Variants in ELMO1 observed in about 807,000 individuals in gnomAD.
The protein encoded by ELMO1 is engulfment and cell motility protein 1.
A neutral mutation model predicts 98.9 loss-of-function variants in ELMO1; 26 were observed. The observed-to-expected ratio is 0.26, with a 90% CI of 0.19 to 0.36. The LOEUF (loss-of-function observed/expected upper bound fraction) is 0.36, where lower values mean the gene tolerates loss of function less well. Ranked by LOEUF, ELMO1 falls within the 10% of genes least tolerant of loss-of-function variation. The pLI, the probability that ELMO1 is intolerant of heterozygous loss-of-function variation, is 1.00. For missense variants in ELMO1, 627 were observed against 935.2 expected (o/e 0.67, Z 4.30); for synonymous variants, 346 against 346.0 (o/e 1.00, Z 0.00).
intron 6 of ELMO1, among the ~76,000 whole-genome samples, chr7:37,247,237 T>G (rs1795062301): frequency 6.6e-6 from 1 of 152,156 alleles, no homozygotes; most frequent in Non-Finnish European, 1.5e-5. Context: ...GGGAGTTTTA[T>G]TAGAAATAGG....
intron 1 of ELMO1, among the ~76,000 whole-genome samples, chr7:37,440,640 G>A (rs1050964918): frequency 1.3e-5 from 2 of 151,638 alleles, no homozygotes; most frequent in African/African-American, 4.9e-5. Context: ...ATGGTGGTGG[G>A]CATCTGTAAT....
At chr7:37,241,190 C>T (rs1393026711) in intron 7 of ELMO1, among the ~76,000 whole-genome samples, 1 of 151,742 alleles carries the variant, frequency 6.6e-6, no homozygotes, top group Non-Finnish European at 1.5e-5. Flanking sequence ...TTTTTAGGTG[C>T]ATACACATTT....
At chr7:37,159,635 G>A (rs1222150309) in intron 13 of ELMO1, among the ~76,000 whole-genome samples, 3 of 152,058 alleles carry the variant, frequency 2.0e-5, no homozygotes, top group African/African-American at 4.8e-5. Context: ...GGAGGCAGAG[G>A]TTGCTGTGAG....
At chr7:37,426,303 G>A (rs1348976790) in intron 1 of ELMO1, among the ~76,000 whole-genome samples, 4 of 151,400 alleles carry the variant, frequency 2.6e-5, no homozygotes, top group Admixed American at 6.6e-5. Flanking sequence ...ATAGATGCCC[G>A]CCACCAAGCC....
chr7:36,862,424 A>G lies in ELMO1; in HGVS notation c.1906-688T>C, dbSNP rs186862798. Among the ~76,000 whole-genome samples, 4 of 152,368 alleles carry G rather than the reference A, an allele frequency of 2.6e-5. No individual in the cohort carries two copies. The East Asian group carries it at 5.8e-4, about 22-fold the overall frequency. ...GGTGAAAACCTACGGAGTGCACGCA[A>G]TGAGCCAGGCCCAGAAGTCTAGGAA... is the stretch of plus-strand genomic sequence containing the variant. On this transcript the variant is annotated intron_variant, in intron 20 of 21. Coordinates refer to ENST00000310758, the MANE Select transcript of ELMO1 (RefSeq NM_014800.11).
intron 15 of ELMO1, among the ~76,000 whole-genome samples, chr7:37,077,480 G>A (rs1206955272): frequency 2.6e-5 from 4 of 152,190 alleles, no homozygotes; most frequent in Non-Finnish European, 4.4e-5. Flanking sequence ...TGGCCCAATG[G>A]GAGTTTTAGA....
intron 16 of ELMO1, among the ~76,000 whole-genome samples, chr7:37,006,718 C>A (rs2129167608): frequency 6.6e-6 from 1 of 152,294 alleles, no homozygotes; most frequent in Non-Finnish European, 1.5e-5. Flanking sequence ...ACCTATAAAA[C>A]TCTCTAGCGG....
chr7:36,898,131 C>A (rs1243982851), intron 16 of ELMO1, among the ~76,000 whole-genome samples: 1 of 152,206 alleles, frequency 6.6e-6, no homozygotes, highest in African/African-American at 2.4e-5. Context: ...TCCTCTGTGC[C>A]TTTGCAATTT....
intron 2 of ELMO1, among the ~76,000 whole-genome samples, chr7:37,332,592 T>G (rs1800195377): frequency 6.6e-6 from 1 of 152,216 alleles, no homozygotes; most frequent in South Asian, 2.1e-4. Flanking sequence ...TGCAGAGAAC[T>G]GAGGAGGATA....
At chr7:37,090,493 T>C (rs1187950893) in intron 15 of ELMO1, among the ~76,000 whole-genome samples, 1 of 152,226 alleles carries the variant, frequency 6.6e-6, no homozygotes, top group Non-Finnish European at 1.5e-5. Context: ...CTGCTTCTGC[T>C]AGCACCTCTG....
At chr7:37,067,894 T>C (rs1584593031) in intron 15 of ELMO1, among the ~76,000 whole-genome samples, 1 of 152,180 alleles carries the variant, frequency 6.6e-6, no homozygotes, top group East Asian at 1.9e-4. Context: ...AGTTGAAATA[T>C]AAACTCTAGG....
At chr7:37,419,461 G>T (rs912416684) in intron 1 of ELMO1, among the ~76,000 whole-genome samples, 1 of 152,002 alleles carries the variant, frequency 6.6e-6, no homozygotes, top group Non-Finnish European at 1.5e-5. Context: ...GTCCTCTCAG[G>T]GTTGTTGTAA....
At chr7:37,265,361 A>G (rs1476574038) in intron 5 of ELMO1, among the ~76,000 whole-genome samples, 1 of 152,122 alleles carries the variant, frequency 6.6e-6, no homozygotes, top group African/African-American at 2.4e-5. Context: ...GAACATTTCC[A>G]GCTGCAAAAA....
chr7:37,289,656 C>A (rs1797574139), intron 4 of ELMO1, among the ~76,000 whole-genome samples: 1 of 152,198 alleles, frequency 6.6e-6, no homozygotes, highest in Non-Finnish European at 1.5e-5. Context: ...AAACCCCAGA[C>A]AAATGGGATC....
intron 16 of ELMO1, 61 bp downstream of exon 16, chr7:37,013,238 C>G: frequency 6.3e-7 from 1 of 1,594,804 alleles, no homozygotes; most frequent in Non-Finnish European, 8.6e-7. Context: ...GCCAAGGGAC[C>G]ATGCAGCAGG....
Position 37,286,932 on chromosome 7 carries a change from T to C in ELMO1, c.193-15050A>G, listed in dbSNP as rs112521655. Among the ~76,000 whole-genome samples, 45 of 152,298 alleles carry C rather than the reference T, an allele frequency of 3.0e-4. 1 individual carries two copies. The highest frequency in any genetic ancestry group is 6.8e-3 in the Middle Eastern group (2 of 294). ...ATCATAGGCTGGGCACAGTGGCTCATGCCTCTAATCCCAGCACTTTGGGAG... is the reference window on the plus strand; with the variant it reads ...ATCATAGGCTGGGCACAGTGGCTCACGCCTCTAATCCCAGCACTTTGGGAG... On this transcript the variant is annotated intron_variant, in intron 4 of 21. Transcript: ENST00000310758.
chr7:37,224,767 T>A lies in ELMO1; in HGVS notation c.701+112A>T, dbSNP rs1303576587. 1.2e-5 allele frequency: 17 copies of A among 1,450,192 alleles called. No individual in the cohort carries two copies. The East Asian group carries it at 3.7e-4, about 31-fold the overall frequency. The allele number at this position is 1,450,192 out of a possible 1,614,324, so 89.8% of individuals were successfully genotyped here. A position where few individuals can be genotyped will look rare whatever the true frequency, so the allele number is the denominator to read the frequency against. ...GTTTGGTTATATGCCAAATTGAGAT[T>A]CTTTTTCTGTACATTTAACCAAACT... On this transcript the variant is annotated intron_variant, in intron 9 of 21. Transcript: ENST00000310758.
At chr7:37,419,373 C>A (rs1385143256) in intron 1 of ELMO1, among the ~76,000 whole-genome samples, 1 of 152,064 alleles carries the variant, frequency 6.6e-6, no homozygotes, top group South Asian at 2.1e-4. Context: ...TCAATATATT[C>A]ATGGGCCGTT....
At chr7:37,121,938 C>T (rs1334455275) in intron 14 of ELMO1, among the ~76,000 whole-genome samples, 9 of 152,298 alleles carry the variant, frequency 5.9e-5, no homozygotes, top group Middle Eastern at 3.4e-3. Context: ...GCTGATCTCT[C>T]GGCAGAAACT....
Sources: allele counts gnomAD v4.1 joint callset (sites outside exome capture counted in the v4.1 genomes callset), GRCh38; gene constraint gnomAD v4.1.1; transcripts MANE v1.5; gene names NCBI Gene and HGNC (gene_info 2026-07-23, HGNC 2026-07-21).